VPS9D1: variants seen among roughly 807,000 people sequenced by gnomAD.
VPS9D1 encodes the protein VPS9 domain-containing protein 1.
A neutral mutation model predicts 75.8 loss-of-function variants in VPS9D1; 78 were observed. That is an observed-to-expected ratio of 1.03 (90% confidence interval 0.86 to 1.24). The LOEUF (loss-of-function observed/expected upper bound fraction) is 1.24. Among genes scored for constraint, VPS9D1 ranks in the 50% most tolerant of loss-of-function variants. The probability of loss-of-function intolerance (pLI) is 0.00; values close to 1 mark genes in which losing one functional copy is unlikely to be tolerated. For missense variants in VPS9D1, 1,057 were observed against 847.7 expected (o/e 1.25, Z -3.07); for synonymous variants, 481 against 385.6 (o/e 1.25, Z -2.90).
chr16:89,708,374 T>C (rs551523473), intron 14 of VPS9D1, 53 bp downstream of exon 14: 1 of 1,513,916 alleles, frequency 6.6e-7, no homozygotes, highest in East Asian at 2.4e-5. Flanking sequence ...GGTTGAGGGA[T>C]GAGGTCCCTG....
chr16:89,720,710 G>T, intron 1 of VPS9D1, 53 bp downstream of exon 1: 14 of 1,347,354 alleles, frequency 1.0e-5, no homozygotes, highest in Non-Finnish European at 1.3e-5. Context: ...CCGGGCGGGG[G>T]TCCCTCCAGG....
intron 2 of VPS9D1, 115 bp from the exon 3 acceptor site, chr16:89,716,937 C>A: frequency 1.0e-6 from 1 of 989,980 alleles, no homozygotes; most frequent in Non-Finnish European, 1.4e-6. Flanking sequence ...TCAGCACCCC[C>A]ACTGACCCCG....
intron 11 of VPS9D1, 29 bp downstream of exon 11, chr16:89,709,748 C>T (rs766361545): frequency 1.2e-5 from 20 of 1,612,896 alleles, no homozygotes; most frequent in Middle Eastern, 3.3e-4. Context: ...CACTAGGCCA[C>T]GCAGGTGGTT....
intron 10 of VPS9D1, 119 bp downstream of exon 10, chr16:89,710,467 G>A: frequency 2.7e-6 from 3 of 1,115,822 alleles, no homozygotes; most frequent in Non-Finnish European, 2.5e-6. Flanking sequence ...GAGCTGGGTG[G>A]ATGTAAGTCT....
At chr16:89,718,546 C>T (rs1331509035) in intron 2 of VPS9D1, among the ~76,000 whole-genome samples, 1 of 152,158 alleles carries the variant, frequency 6.6e-6, no homozygotes, top group East Asian at 1.9e-4. Flanking sequence ...TGGTCCCTTC[C>T]TGCCACTATA....
At chr16:89,715,049 C>T (rs1358223433) in intron 4 of VPS9D1, among the ~76,000 whole-genome samples, 1 of 152,084 alleles carries the variant, frequency 6.6e-6, no homozygotes, top group African/African-American at 2.4e-5. Context: ...CTCTTGTTTT[C>T]TGTCTTTATT....
At position 89,711,956 on chromosome 16, in the gene VPS9D1, G is replaced by A. The variant is rs1319915862; in HGVS notation, c.673C>T (p.Gln225Ter). 6.4e-7 allele frequency: 1 copy of A among 1,551,136 alleles called. No homozygotes were observed. The highest frequency in any genetic ancestry group is 8.7e-7 in the Non-Finnish European group (1 of 1,146,922). ...CGTTCCTCCGGGGTCAGGGCGACTT[G>A]GCTGCAAAACCTCCTGGGGAGAAAG... ...QEAANRRFCS[Q>*]VALTPEEREQ... Residue 225 changes from glutamine to a stop codon, truncating the protein, a stop_gained, in exon 8 of 15, where the codon CAA becomes TAA. Transcript: ENST00000389386. LOFTEE classifies it high-confidence loss of function.
At chr16:89,719,196 C>T (rs1293146996) in intron 1 of VPS9D1, 94 bp from the exon 2 acceptor site, 2 of 1,122,774 alleles carry the variant, frequency 1.8e-6, no homozygotes, top group African/African-American at 1.5e-5. Context: ...AAGCAAGGAA[C>T]ACCACCACCT....
chr16:89,713,945 A>AT (rs939101666), intron 4 of VPS9D1, among the ~76,000 whole-genome samples: 27 of 148,990 alleles, frequency 1.8e-4, no homozygotes, highest in African/African-American at 5.9e-4. Flanking sequence ...TTTTTGCAAA[A>AT]TTTTTTTTTT....
Position 89,709,914 on chromosome 16 carries a change from G to A in VPS9D1, c.1259-8C>T. On this transcript the variant is annotated splice_region_variant and splice_polypyrimidine_tract_variant and intron_variant, in intron 10 of 14. Transcript: ENST00000389386. ...TCAGCGAGAGCAGCCTGTCTGCTAG[G>A]AACAGAGCCGGGGACGTCCACAGAG... 3 of 1,599,616 alleles carry A rather than the reference G, an allele frequency of 1.9e-6. No homozygotes were observed.
At chr16:89,720,070 G>C (rs1027182744) in intron 1 of VPS9D1, among the ~76,000 whole-genome samples, 3 of 152,196 alleles carry the variant, frequency 2.0e-5, no homozygotes, top group African/African-American at 7.2e-5. Flanking sequence ...CTATCTTTAA[G>C]TCTATGCCTC....
Position 89,716,444 on chromosome 16 carries a change from C to T in VPS9D1, c.431+18G>A, listed in dbSNP as rs771813865. 1 of 1,613,730 alleles carries T rather than the reference C, an allele frequency of 6.2e-7. No individual in the cohort carries two copies. Among genetic ancestry groups the T allele is most frequent in the South Asian group, 1.1e-5 (1 of 91,042 alleles). On this transcript the variant is annotated intron_variant, in intron 4 of 14. Coordinates refer to ENST00000389386, the MANE Select transcript of VPS9D1 (RefSeq NM_004913.3). Reference sequence around the variant, plus strand: ...CCCAATCCCAGGCTCATCCCACCTCCCATCTTGTCCATCTTACTTCTTACA... The same window carrying T: ...CCCAATCCCAGGCTCATCCCACCTCTCATCTTGTCCATCTTACTTCTTACA...
intron 6 of VPS9D1, 152 bp downstream of exon 6, chr16:89,712,308 C>A: frequency 7.4e-7 from 1 of 1,357,764 alleles, no homozygotes. Flanking sequence ...CGGGCCTTCC[C>A]CTGAGACCCT....
In VPS9D1 at chr16:89,719,149, G is replaced by A. The variant is rs371251943; in HGVS notation, c.100-47C>T. The A allele has an allele frequency of 5.8e-6, 9 of 1,558,804 alleles. No individual in the cohort carries two copies. In the East Asian group the frequency reaches 9.0e-5, roughly 16 times the overall value. ...AGTGGGGTCAGGCCAGTGGAGGGAAGTGACTCCATTATTCCGGCCAGGTGC... is the reference window on the plus strand; with the variant it reads ...AGTGGGGTCAGGCCAGTGGAGGGAAATGACTCCATTATTCCGGCCAGGTGC... On this transcript the variant is annotated intron_variant, in intron 1 of 14. Coordinates refer to ENST00000389386, the MANE Select transcript of VPS9D1 (RefSeq NM_004913.3).
Position 89,709,209 on chromosome 16 carries a change from A to C in VPS9D1, c.1597+18T>G, listed in dbSNP as rs2151619775. ...GGATGGGAGCCTGTCCCTCCCCCTG[A>C]CTCTCGAACCTGCTGACCTATGCAC... On this transcript the variant is annotated intron_variant, in intron 12 of 14. Coordinates refer to ENST00000389386, the MANE Select transcript of VPS9D1 (RefSeq NM_004913.3). 6.2e-7 allele frequency: 1 copy of C among 1,610,936 alleles called. No individual in the cohort carries two copies.
At chr16:89,720,010 G>A (rs917210293) in intron 1 of VPS9D1, among the ~76,000 whole-genome samples, 8 of 152,164 alleles carry the variant, frequency 5.3e-5, no homozygotes, top group Admixed American at 2.0e-4. Context: ...GAACCACAGC[G>A]CCCAGCAATA....
At chr16:89,714,879 C>G (rs1316233622) in intron 4 of VPS9D1, among the ~76,000 whole-genome samples, 1 of 151,856 alleles carries the variant, frequency 6.6e-6, no homozygotes, top group Non-Finnish European at 1.5e-5. Context: ...GGGTTACAGG[C>G]ACGCGCCACC....
chr16:89,709,025 G>GCCCCCCCCCCCCCCCCCC, intron 12 of VPS9D1, 69 bp from the exon 13 acceptor site: 1 of 627,190 alleles, frequency 1.6e-6, no homozygotes, highest in Non-Finnish European at 2.0e-6. Flanking sequence ...CTTATACCCC[G>GCCCCCCCCCCCCCCCCCC]CCCACCCACC....
intron 2 of VPS9D1, chr16:89,717,641 C>G (rs1053082468): frequency 1.8e-5 from 8 of 456,426 alleles, no homozygotes; most frequent in Admixed American, 1.4e-4. Context: ...CGACTCCCCC[C>G]GGAAACTGCC....
Sources: gnomAD v4.1 joint callset for allele counts (sites outside exome capture counted in the v4.1 genomes callset) on GRCh38, gnomAD v4.1.1 for gene constraint, MANE v1.5 for transcripts, NCBI Gene and HGNC (gene_info 2026-07-23, HGNC 2026-07-21) for gene names.